Variants in LEKR1 observed in about 807,000 individuals in gnomAD.
LEKR1 encodes the protein leucine, glutamate and lysine rich 1.
In LEKR1, 59 loss-of-function variants were observed where a neutral mutation model predicts 72.4. The observed-to-expected ratio is 0.82, with a 90% confidence interval of 0.66 to 1.01. The LOEUF (loss-of-function observed/expected upper bound fraction) is 1.01, where lower values mean the gene tolerates loss of function less well. Among genes scored for constraint, LEKR1 ranks in the 50% least tolerant of loss-of-function variants. LEKR1 has a pLI of 0.00. For synonymous variants in LEKR1, 257 were observed against 263.2 expected, an observed-to-expected ratio of 0.98 and a Z score of 0.23; for missense variants, 728 against 759.2, an observed-to-expected ratio of 0.96 and a Z score of 0.48.
intron 5 of LEKR1, among the ~76,000 whole-genome samples, chr3:156,942,303 A>T (rs79833775): frequency 0.032 from 4,809 of 152,120 alleles, 116 homozygotes; most frequent in Non-Finnish European, 0.047. Context: ...GCTAAAAAAA[A>T]TACTGTTAAA....
At chr3:156,920,039 C>T (rs1724046317) in intron 3 of LEKR1, among the ~76,000 whole-genome samples, 1 of 152,078 alleles carries the variant, frequency 6.6e-6, no homozygotes, top group Admixed American at 6.6e-5. Flanking sequence ...GCACATGCCC[C>T]TTTCCACTTT....
intron 3 of LEKR1, among the ~76,000 whole-genome samples, chr3:156,883,007 TGGG>T (rs1417783504): frequency 2.7e-5 from 4 of 145,976 alleles, no homozygotes; most frequent in African/African-American, 1.0e-4. Flanking sequence ...TGTTGTGGGT[TGGG>T]GGGAGGGGGG....
chr3:156,930,778 A>T (rs559036070), intron 5 of LEKR1, among the ~76,000 whole-genome samples: 2 of 152,262 alleles, frequency 1.3e-5, no homozygotes, highest in East Asian at 3.9e-4. Flanking sequence ...TAATCAATTG[A>T]CTTCTGACAA....
At chr3:156,942,975 A>T (rs958811069) in intron 6 of LEKR1, among the ~76,000 whole-genome samples, 1 of 151,892 alleles carries the variant, frequency 6.6e-6, no homozygotes, top group Admixed American at 6.6e-5. Context: ...GATTTCAGAA[A>T]AATAAGGCGA....
At chr3:156,858,690 A>T (rs9813575) in intron 3 of LEKR1, among the ~76,000 whole-genome samples, 76,402 of 150,004 alleles carry the variant, frequency 0.51, 21,094 homozygotes, top group East Asian at 0.73. Context: ...AAAAAAAAAA[A>T]AATCTGTTTT....
At chr3:156,998,039 G>T (rs756981849) in intron 9 of LEKR1, among the ~76,000 whole-genome samples, 1 of 152,126 alleles carries the variant, frequency 6.6e-6, no homozygotes, top group African/African-American at 2.4e-5. Flanking sequence ...TTTCCTTTAT[G>T]GATGGAGAGG....
At chr3:156,906,528 C>T (rs1722553917) in intron 3 of LEKR1, among the ~76,000 whole-genome samples, 1 of 152,174 alleles carries the variant, frequency 6.6e-6, no homozygotes, top group African/African-American at 2.4e-5. Context: ...ATAGTGTTCA[C>T]ATTCTGTGCC....
chr3:156,852,991 T>G lies in LEKR1; in HGVS notation c.263+9T>G, dbSNP rs1715576193. The G allele has an allele frequency of 1.3e-6, 2 of 1,508,492 alleles. No homozygotes were observed. Among genetic ancestry groups the G allele is most frequent in the Admixed American group, 2.0e-5 (1 of 50,378 alleles). The allele number at this position is 1,508,492 out of a possible 1,614,324, so 93.4% of individuals were successfully genotyped here. The stretch of plus-strand genomic sequence containing the variant: ...AAATCCAAAACAGAAAGGTTGAGTA[T>G]GTTTTTCTTTTCTATCATTTATTTA... On this transcript the variant is annotated intron_variant, in intron 3 of 12. Transcript: ENST00000356539.
At chr3:157,018,814 G>T (rs1235818558) in intron 10 of LEKR1, among the ~76,000 whole-genome samples, 1 of 152,090 alleles carries the variant, frequency 6.6e-6, no homozygotes, top group African/African-American at 2.4e-5. Context: ...AGAATTAAAA[G>T]AGTTAATATA....
chr3:157,021,676 G>A (rs914207522), intron 10 of LEKR1, among the ~76,000 whole-genome samples: 2 of 151,900 alleles, frequency 1.3e-5, no homozygotes, highest in African/African-American at 4.8e-5. Flanking sequence ...ATAGCTATTG[G>A]GCTCTACTAA....
chr3:156,882,895 C>T (rs1034303834), intron 3 of LEKR1, among the ~76,000 whole-genome samples: 8 of 151,434 alleles, frequency 5.3e-5, no homozygotes, highest in East Asian at 1.9e-4. Flanking sequence ...AGTAAACTAT[C>T]GCAAGAACAA....
intron 6 of LEKR1, among the ~76,000 whole-genome samples, chr3:156,949,294 G>T (rs1726948165): frequency 6.6e-6 from 1 of 151,452 alleles, no homozygotes; most frequent in African/African-American, 2.4e-5. Flanking sequence ...TATAGTTTTG[G>T]GTTTTACATT....
In LEKR1 at chr3:157,045,661, C is replaced by G; in HGVS notation, c.1990C>G (p.Pro664Ala). The G allele has an allele frequency of 4.3e-6, 7 of 1,614,092 alleles. No individual in the cohort carries two copies. The highest frequency in any genetic ancestry group is 1.7e-5 in the Admixed American group (1 of 59,996). Reference sequence around the variant, plus strand: ...ATCAGGCGTGCCCATTCTCCCCCAGCCACATCCTCCCAGGGGTGGAGCATC... The same window carrying G: ...ATCAGGCGTGCCCATTCTCCCCCAGGCACATCCTCCCAGGGGTGGAGCATC... ...VRSGVPILPQ[P>A]HPPRGGASSA... The change falls in exon 13 of 13, where the codon CCA becomes GCA. Residue 664 changes from proline to alanine, a missense_variant. Pro to Ala is a conservative substitution (Grantham distance 27). Transcript: ENST00000356539.
At chr3:156,864,591 A>G (rs952292310) in intron 3 of LEKR1, among the ~76,000 whole-genome samples, 6 of 151,972 alleles carry the variant, frequency 3.9e-5, no homozygotes, top group African/African-American at 1.2e-4. Flanking sequence ...ATTTTCTCAC[A>G]TGCATATATC....
At chr3:156,919,267 C>A (rs1449261969) in intron 3 of LEKR1, among the ~76,000 whole-genome samples, 1 of 152,200 alleles carries the variant, frequency 6.6e-6, no homozygotes, top group Non-Finnish European at 1.5e-5. Context: ...TACGAGAGAA[C>A]TAATTCACAT....
At chr3:156,954,265 C>T (rs1459532520) in intron 6 of LEKR1, among the ~76,000 whole-genome samples, 1 of 151,962 alleles carries the variant, frequency 6.6e-6, no homozygotes, top group Non-Finnish European at 1.5e-5. Flanking sequence ...GGATATTACA[C>T]TTTTGCCAAA....
intron 12 of LEKR1, among the ~76,000 whole-genome samples, chr3:157,039,018 A>G (rs1391026078): frequency 6.6e-6 from 1 of 152,134 alleles, no homozygotes; most frequent in East Asian, 1.9e-4. Context: ...TTTCATTAAA[A>G]CAGCTGTTTT....
At chr3:156,960,396 G>A (rs980802558) in intron 6 of LEKR1, among the ~76,000 whole-genome samples, 1 of 151,892 alleles carries the variant, frequency 6.6e-6, no homozygotes, top group Non-Finnish European at 1.5e-5. Flanking sequence ...AGTGATTCTC[G>A]TGCCTCAGCC....
intron 6 of LEKR1, among the ~76,000 whole-genome samples, chr3:156,943,899 T>C (rs1726454719): frequency 6.6e-6 from 1 of 151,870 alleles, no homozygotes; most frequent in Admixed American, 6.6e-5. Flanking sequence ...TCATATATTT[T>C]TATTTTCTTT....
Sources: gnomAD v4.1 joint callset for allele counts (sites outside exome capture counted in the v4.1 genomes callset) on GRCh38, gnomAD v4.1.1 for gene constraint, MANE v1.5 for transcripts, NCBI Gene and HGNC (gene_info 2026-07-23, HGNC 2026-07-21) for gene names.